The following AFF1 variants were observed in gnomAD, a reference collection of about 807,000 sequenced individuals.
AFF1 encodes ALF transcription elongation factor 1, also known as AF4/FMR2 family member 1.
Under a neutral mutation model 121.7 loss-of-function variants are expected in AFF1, and 48 were observed. The ratio of observed to expected loss-of-function variants is 0.39; its 90% CI spans 0.31 to 0.50. The LOEUF (loss-of-function observed/expected upper bound fraction) is 0.50, where lower values mean the gene tolerates loss of function less well. Among genes scored for constraint, AFF1 ranks in the 20% least tolerant of loss-of-function variants. AFF1 has a pLI of 0.76. For synonymous variants in AFF1, 613 were observed against 563.0 expected (o/e 1.09, Z -1.26); for missense variants, 1,523 against 1,511.7 (o/e 1.01, Z -0.12).
At chr4:87,047,752 A>G (rs1236956495) in intron 4 of AFF1, 158 bp downstream of exon 4, 2 of 962,914 alleles carry the variant, frequency 2.1e-6, no homozygotes, top group Non-Finnish European at 3.3e-6. Context: ...CCCGCGAAAA[A>G]CTCAGATCTG....
rs77779696 is a variant in AFF1 at position 87,047,357 on chromosome 4, C to G, written c.822C>G (p.Ala274=). The G allele has an allele frequency of 2.5e-6, 4 of 1,614,154 alleles. No homozygotes were observed. The Admixed American group carries it at 6.7e-5, about 27-fold the overall frequency. Residue 274 remains alanine, a synonymous_variant, in exon 4 of 21, where the codon GCC becomes GCG. Transcript: ENST00000395146. ...ETPQDSLVAP[A]QPPSQTFPPP... ...CTCAAGACAGTTTGGTGGCCCCTGC[C>G]CAGCCGCCTTCTCAGACATTTCCAC...
At chr4:87,100,408 GTGT>G (rs1725312306) in intron 8 of AFF1, among the ~76,000 whole-genome samples, 1 of 152,008 alleles carries the variant, frequency 6.6e-6, no homozygotes, top group African/African-American at 2.4e-5. Context: ...GCTCTTTTTG[GTGT>G]TGTGATGACT....
intron 2 of AFF1, among the ~76,000 whole-genome samples, chr4:86,967,647 T>A (rs2149475444): frequency 6.6e-6 from 1 of 152,202 alleles, no homozygotes; most frequent in South Asian, 2.1e-4. Flanking sequence ...GATGATTTTT[T>A]TTTTTTTGTA....
chr4:86,983,842 C>T (rs554394546), intron 2 of AFF1, among the ~76,000 whole-genome samples: 89 of 152,164 alleles, frequency 5.8e-4, no homozygotes, highest in African/African-American at 2.0e-3. Context: ...TCGAGACCAT[C>T]CTGGCCAACA....
chr4:87,094,911 A>G lies in AFF1; in HGVS notation c.1229-4A>G. The G allele has an allele frequency of 1.2e-6, 2 of 1,613,340 alleles. No homozygotes were observed. The highest frequency in any genetic ancestry group is 1.7e-6 in the Non-Finnish European group (2 of 1,179,288). On this transcript the variant is annotated splice_polypyrimidine_tract_variant and splice_region_variant and intron_variant, in intron 7 of 20. Coordinates refer to ENST00000395146, the MANE Select transcript of AFF1 (RefSeq NM_001166693.3). ...TGCTGCTTTGATGTTTCTCTCCCCC[A>G]CAGAACAATATGATACATCTTCAAA... is the stretch of plus-strand genomic sequence containing the variant.
chr4:86,980,394 A>G (rs528225390), intron 2 of AFF1, among the ~76,000 whole-genome samples: 1 of 152,310 alleles, frequency 6.6e-6, no homozygotes, highest in East Asian at 1.9e-4. Context: ...TTGGGAGTCT[A>G]AGGTGGTAGT....
In AFF1 at chr4:87,114,709, A is replaced by C; in HGVS notation, c.1876A>C (p.Thr626Pro). The C allele has an allele frequency of 6.2e-7, 1 of 1,613,874 alleles. No individual in the cohort carries two copies. Among genetic ancestry groups the C allele is most frequent in the Non-Finnish European group, 8.5e-7 (1 of 1,179,972 alleles). ...GGCCTCTGCCCGGGCAGGTTCACGG[A>C]CCAGCCTGCAGGGGGAAAGGGAGCC... The part of the protein sequence containing the change: ...VKASARAGSR[T>P]SLQGEREPGL... The change falls in exon 12 of 21, where the codon ACC becomes CCC. Residue 626 changes from threonine to proline, a missense_variant. This residue lies in a region of AFF1 where 905 missense variants were observed against 842.5 expected (regional missense o/e 1.07). Coordinates refer to ENST00000395146, the MANE Select transcript of AFF1 (RefSeq NM_001166693.3).
At chr4:86,979,538 A>C (rs1382956828) in intron 2 of AFF1, among the ~76,000 whole-genome samples, 1 of 152,190 alleles carries the variant, frequency 6.6e-6, no homozygotes, top group Non-Finnish European at 1.5e-5. Flanking sequence ...TTTAAGGAGG[A>C]TTTCAATAGT....
At chr4:87,038,167 G>A (rs1475119723) in intron 2 of AFF1, among the ~76,000 whole-genome samples, 2 of 152,076 alleles carry the variant, frequency 1.3e-5, no homozygotes, top group East Asian at 3.9e-4. Context: ...CTTTGTTTTA[G>A]GATTAAGTCT....
In AFF1 at chr4:87,138,351, G is replaced by GA. The variant is rs1435551448; in HGVS notation, c.*2653dup. 1 of 231,944 alleles carries GA rather than the reference G, an allele frequency of 4.3e-6. No individual in the cohort carries two copies. The highest frequency in any genetic ancestry group is 8.5e-6 in the Non-Finnish European group (1 of 117,392). 14.4% of individuals were successfully genotyped at this position (231,944 alleles called of 1,614,324 possible). A position where few individuals can be genotyped will look rare whatever the true frequency, so the allele number is the denominator to read the frequency against. ...AAATCTGTACTGAGGTAGATCATTTGAAAGGGCTAGATTATAAAATTAAGC... is the reference window on the plus strand; with the variant it reads ...AAATCTGTACTGAGGTAGATCATTTGAAAAGGGCTAGATTATAAAATTAAGC... On this transcript the variant is annotated 3_prime_UTR_variant, in exon 21 of 21. Coordinates refer to ENST00000395146, the MANE Select transcript of AFF1 (RefSeq NM_001166693.3).
At chr4:86,964,765 C>T (rs1241790191) in intron 2 of AFF1, among the ~76,000 whole-genome samples, 1 of 152,188 alleles carries the variant, frequency 6.6e-6, no homozygotes, top group African/African-American at 2.4e-5. Context: ...ATTCCTCTAT[C>T]ATAGCTTACT....
intron 2 of AFF1, among the ~76,000 whole-genome samples, chr4:87,019,929 T>G (rs1003607908): frequency 3.3e-5 from 5 of 151,608 alleles, no homozygotes; most frequent in African/African-American, 1.2e-4. Context: ...CTGTGGGATC[T>G]GACTCCATCT....
In AFF1 at chr4:87,047,387, C is replaced by T. The variant is rs951561553; in HGVS notation, c.852C>T (p.Pro284=). Residue 284 remains proline (P), a synonymous_variant, in exon 4 of 21, where the codon CCC becomes CCT. Coordinates refer to ENST00000395146, the MANE Select transcript of AFF1 (RefSeq NM_001166693.3). ...AQPPSQTFPP[P]SLPSKSVAMQ... ...CGCCTTCTCAGACATTTCCACCTCC[C>T]TCCCTCCCCTCAAAAAGTGTTGCAA... 6.2e-7 allele frequency: 1 copy of T among 1,614,030 alleles called. No homozygotes were observed. Among genetic ancestry groups the T allele is most frequent in the Non-Finnish European group, 8.5e-7 (1 of 1,180,026 alleles).
intron 2 of AFF1, among the ~76,000 whole-genome samples, chr4:86,957,709 A>T (rs1721844979): frequency 6.6e-6 from 1 of 151,864 alleles, no homozygotes; most frequent in Admixed American, 6.6e-5. Context: ...CACCTGGCTA[A>T]TTTTTTATTT....
At chr4:87,124,786 G>GGGAGGAATTGTTTTTCTT (rs1434019178) in intron 12 of AFF1, among the ~76,000 whole-genome samples, 1 of 152,068 alleles carries the variant, frequency 6.6e-6, no homozygotes, top group Admixed American at 6.5e-5. Flanking sequence ...TTTCTTGCAT[G>GGGAGGAATTGTTTTTCTT]GGAGGAATTG....
Position 87,140,879 on chromosome 4 carries a change from A to G in AFF1, c.*5178A>G, listed in dbSNP as rs1729660293. ...TTTTTAGAAGAAAAATCTGCAAAAG[A>G]TCTTTCCAAAGACAATGTGCCACAG... is the stretch of plus-strand genomic sequence containing the variant. On this transcript the variant is annotated 3_prime_UTR_variant, in exon 21 of 21. Transcript: ENST00000395146. 5.4e-6 allele frequency: 1 copy of G among 185,314 alleles called. No homozygotes were observed. The highest frequency in any genetic ancestry group is 2.0e-4 in the South Asian group (1 of 5,112). The allele number at this position is 185,314 out of a possible 1,614,324, so 11.5% of individuals were successfully genotyped here. A position where few individuals can be genotyped will look rare whatever the true frequency, so the allele number is the denominator to read the frequency against.
chr4:86,954,796 A>G (rs540861984), intron 2 of AFF1, among the ~76,000 whole-genome samples: 3 of 152,352 alleles, frequency 2.0e-5, no homozygotes, highest in African/African-American at 7.2e-5. Context: ...AAAGGTCTTC[A>G]TTCTCATCCT....
chr4:87,043,099 G>C (rs189398319), intron 2 of AFF1, among the ~76,000 whole-genome samples: 1 of 152,314 alleles, frequency 6.6e-6, no homozygotes, highest in East Asian at 1.9e-4. Context: ...TTGCCATTTG[G>C]AGTTCCCTTC....
At chr4:87,015,696 C>CTT (rs1727224378) in intron 2 of AFF1, among the ~76,000 whole-genome samples, 1 of 152,144 alleles carries the variant, frequency 6.6e-6, no homozygotes, top group Admixed American at 6.5e-5. Context: ...TTTTAGCAGT[C>CTT]ATGTTTCTTT....
Sources: allele counts gnomAD v4.1 joint callset (sites outside exome capture counted in the v4.1 genomes callset), GRCh38; gene constraint gnomAD v4.1.1; regional missense constraint gnomAD v4.1.1; transcripts MANE v1.5; gene names NCBI Gene and HGNC (gene_info 2026-07-23, HGNC 2026-07-21).